PHACTR1: variants seen among roughly 807,000 people sequenced by gnomAD.
PHACTR1 encodes the protein phosphatase and actin regulator 1, also known as RPEL repeat containing 1.
In PHACTR1, 16 loss-of-function variants were observed where a neutral mutation model predicts 69.2. The ratio of observed to expected loss-of-function variants is 0.23; its 90% CI spans 0.16 to 0.35. The LOEUF is 0.35. PHACTR1 is among the 10% of genes least tolerant of loss of function. The pLI, the probability that PHACTR1 is intolerant of heterozygous loss-of-function variation, is 1.00. For missense variants in PHACTR1, 510 were observed against 734.7 expected, an observed-to-expected ratio of 0.69 and a Z score of 3.54; for synonymous variants, 312 against 284.5, an observed-to-expected ratio of 1.10 and a Z score of -0.97.
At chr6:12,978,206 C>T (rs1372767433) in intron 4 of PHACTR1, among the ~76,000 whole-genome samples, 1 of 152,180 alleles carries the variant, frequency 6.6e-6, no homozygotes, top group Non-Finnish European at 1.5e-5. Context: ...TCCCACTGGC[C>T]GCCAGAGTCT....
intron 4 of PHACTR1, among the ~76,000 whole-genome samples, chr6:12,987,781 G>A (rs1282392717): frequency 1.3e-5 from 2 of 152,180 alleles, no homozygotes; most frequent in African/African-American, 2.4e-5. Flanking sequence ...TTAGAAGGGC[G>A]AAGATTTGCT....
At chr6:13,174,863 T>C (rs1024055353) in intron 6 of PHACTR1, among the ~76,000 whole-genome samples, 1 of 152,182 alleles carries the variant, frequency 6.6e-6, no homozygotes, top group Admixed American at 6.5e-5. Context: ...ACTAACTTCA[T>C]AGGATGGATG....
intron 4 of PHACTR1, among the ~76,000 whole-genome samples, chr6:12,767,166 C>T (rs1226925874): frequency 6.6e-6 from 1 of 152,196 alleles, no homozygotes; most frequent in Non-Finnish European, 1.5e-5. Context: ...GCTAATGCCA[C>T]TGTAATACAT....
At chr6:13,182,183 A>C (rs750953963) in intron 6 of PHACTR1, among the ~76,000 whole-genome samples, 1 of 152,208 alleles carries the variant, frequency 6.6e-6, no homozygotes, top group Non-Finnish European at 1.5e-5. Flanking sequence ...TGGTGAGCCA[A>C]GATCATGCCA....
intron 4 of PHACTR1, among the ~76,000 whole-genome samples, chr6:12,759,597 A>G (rs1767802295): frequency 6.6e-6 from 1 of 152,200 alleles, no homozygotes; most frequent in Admixed American, 6.5e-5. Context: ...CACACTGATG[A>G]TAAGTTTAGG....
chr6:13,235,469 T>C (rs185275803), intron 10 of PHACTR1, among the ~76,000 whole-genome samples: 1 of 152,272 alleles, frequency 6.6e-6, no homozygotes, highest in East Asian at 1.9e-4. Flanking sequence ...TCAAAGTTCA[T>C]AGTTAGGGTG....
chr6:13,213,416 C>G (rs949591362), intron 8 of PHACTR1, among the ~76,000 whole-genome samples: 1 of 152,182 alleles, frequency 6.6e-6, no homozygotes, highest in Non-Finnish European at 1.5e-5. Context: ...GATCCCTTCT[C>G]AGATTCCCAT....
chr6:13,069,822 C>T (rs950919382), intron 5 of PHACTR1, among the ~76,000 whole-genome samples: 1 of 152,146 alleles, frequency 6.6e-6, no homozygotes, highest in African/African-American at 2.4e-5. Flanking sequence ...AATCTTGCAA[C>T]AGACCTATAT....
intron 5 of PHACTR1, among the ~76,000 whole-genome samples, chr6:13,091,846 G>C (rs2127830267): frequency 6.6e-6 from 1 of 152,208 alleles, no homozygotes; most frequent in South Asian, 2.1e-4. Context: ...CACCCAGGCT[G>C]GAGTGCAATG....
At chr6:13,052,047 T>C (rs1247490310) in intron 4 of PHACTR1, among the ~76,000 whole-genome samples, 2 of 152,222 alleles carry the variant, frequency 1.3e-5, no homozygotes, top group African/African-American at 2.4e-5. Context: ...GGTACCACTC[T>C]GCTGACCTGA....
intron 6 of PHACTR1, among the ~76,000 whole-genome samples, chr6:13,165,118 T>C (rs1759599001): frequency 6.6e-6 from 1 of 152,204 alleles, no homozygotes; most frequent in Admixed American, 6.5e-5. Flanking sequence ...TTTTAAATTA[T>C]GTTAGTTGTG....
chr6:13,001,952 T>G (rs775327010), intron 4 of PHACTR1, among the ~76,000 whole-genome samples: 5 of 152,212 alleles, frequency 3.3e-5, no homozygotes, highest in Non-Finnish European at 5.9e-5. Context: ...TGATTTGGAT[T>G]TGAACTGTGA....
chr6:13,152,430 G>T (rs1043814018), intron 5 of PHACTR1, among the ~76,000 whole-genome samples: 3 of 152,166 alleles, frequency 2.0e-5, no homozygotes, highest in Non-Finnish European at 4.4e-5. Flanking sequence ...ACATTAAGGA[G>T]GTATCATGGG....
chr6:12,883,434 C>T (rs1783301292), intron 4 of PHACTR1, among the ~76,000 whole-genome samples: 2 of 151,966 alleles, frequency 1.3e-5, no homozygotes, highest in Admixed American at 1.3e-4. Flanking sequence ...AGGCAGGTCT[C>T]GAACTCCTGA....
At position 12,867,297 on chromosome 6, in the gene PHACTR1, G is replaced by C. The variant is rs998193712; in HGVS notation, c.250+117507G>C. ...GCATCTTCTGTGGTGGCTGCTTCTA[G>C]GAGGCAAGGGAGAGTTGAACCTCAC... On this transcript the variant is annotated intron_variant, in intron 4 of 14. Transcript: ENST00000332995. Among the ~76,000 whole-genome samples the C allele has an allele frequency of 3.3e-5, 5 of 152,310 alleles. No homozygotes were observed. The East Asian group carries it at 9.6e-4, about 29-fold the overall frequency.
intron 4 of PHACTR1, among the ~76,000 whole-genome samples, chr6:12,767,497 C>A (rs1768782438): frequency 6.6e-6 from 1 of 152,150 alleles, no homozygotes; most frequent in African/African-American, 2.4e-5. Context: ...AGAGTAAATG[C>A]AGGTGTAGAT....
At chr6:13,060,636 G>A (rs1176271618) in intron 5 of PHACTR1, among the ~76,000 whole-genome samples, 1 of 152,184 alleles carries the variant, frequency 6.6e-6, no homozygotes, top group Non-Finnish European at 1.5e-5. Context: ...GCAGTAGACA[G>A]AATAATACAT....
At chr6:13,280,986 G>GT in intron 12 of PHACTR1, 1 of 1,289,588 alleles carries the variant, frequency 7.8e-7, no homozygotes, top group Non-Finnish European at 1.0e-6. Context: ...TGCACCAACT[G>GT]TGACTCTGAG....
chr6:12,750,574 G>C (rs1561848087), intron 4 of PHACTR1, among the ~76,000 whole-genome samples: 1 of 147,450 alleles, frequency 6.8e-6, no homozygotes, highest in African/African-American at 2.5e-5. Context: ...GGAGGAGGGA[G>C]GGGGAAGGAA....
Sources: gnomAD v4.1 joint callset for allele counts (sites outside exome capture counted in the v4.1 genomes callset) on GRCh38, gnomAD v4.1.1 for gene constraint, MANE v1.5 for transcripts, NCBI Gene and HGNC (gene_info 2026-07-23, HGNC 2026-07-21) for gene names.